Variants in PHF20L1 observed in about 807,000 individuals in gnomAD.
The protein encoded by PHF20L1 is PHD finger protein 20 like 1, also known as PHD finger protein 20-like protein 1.
Under a neutral mutation model 125.5 loss-of-function variants are expected in PHF20L1, and 44 were observed. The observed-to-expected ratio is 0.35, with a 90% CI of 0.28 to 0.45. The LOEUF is 0.45. PHF20L1 is among the 20% of genes least tolerant of loss of function. The probability of loss-of-function intolerance (pLI) is 1.00; values close to 1 mark genes in which losing one functional copy is unlikely to be tolerated. For missense variants in PHF20L1, 1,012 were observed against 1,217.2 expected, an observed-to-expected ratio of 0.83 and a Z score of 2.51; for synonymous variants, 380 against 403.1, an observed-to-expected ratio of 0.94 and a Z score of 0.69.
chr8:132,812,539 T>A, intron 9 of PHF20L1: 1 of 984,940 alleles, frequency 1.0e-6, no homozygotes, highest in East Asian at 1.1e-4. Flanking sequence ...GCCAGTTTTG[T>A]AACAAAGAGA....
chr8:132,804,800 T>C, intron 8 of PHF20L1, 60 bp downstream of exon 8: 1 of 1,409,148 alleles, frequency 7.1e-7, no homozygotes, highest in Non-Finnish European at 9.7e-7. Context: ...TTTAGAGTAA[T>C]TTATTTTTAA....
At chr8:132,836,812 A>T (rs1329831463) in intron 16 of PHF20L1, 91 bp downstream of exon 16, 2 of 885,948 alleles carry the variant, frequency 2.3e-6, no homozygotes, top group Admixed American at 2.2e-5. Context: ...TACTGACTGT[A>T]CTACTGAAGA....
At chr8:132,805,859 A>C (rs1222962446) in intron 8 of PHF20L1, among the ~76,000 whole-genome samples, 3 of 151,974 alleles carry the variant, frequency 2.0e-5, no homozygotes, top group African/African-American at 7.2e-5. Context: ...GTCTCTGATA[A>C]AGGATATACT....
chr8:132,781,301 A>G (rs899309584), intron 2 of PHF20L1, among the ~76,000 whole-genome samples: 5 of 152,222 alleles, frequency 3.3e-5, no homozygotes, highest in African/African-American at 9.6e-5. Context: ...AAAGTATGTT[A>G]TTATTGCTTG....
chr8:132,806,401 A>G (rs955419757), intron 8 of PHF20L1: 8 of 151,966 alleles, frequency 5.3e-5, no homozygotes, highest in Non-Finnish European at 8.8e-5. Context: ...TTGCTTAAAC[A>G]CCCTTCCCTT....
At chr8:132,829,325 C>T (rs929302013) in intron 14 of PHF20L1, among the ~76,000 whole-genome samples, 27 of 152,030 alleles carry the variant, frequency 1.8e-4, no homozygotes, top group African/African-American at 5.6e-4. Flanking sequence ...TACAGCTAAG[C>T]GACCTTTGAC....
At chr8:132,838,383 A>G (rs544324454) in intron 17 of PHF20L1, 1 of 155,458 alleles carries the variant, frequency 6.4e-6, no homozygotes, top group South Asian at 1.9e-4. Flanking sequence ...ATTGTAGAGC[A>G]GGTGGGGTCT....
intron 2 of PHF20L1, among the ~76,000 whole-genome samples, chr8:132,788,249 TAAATG>T (rs1000577870): frequency 2.6e-5 from 4 of 152,126 alleles, no homozygotes; most frequent in East Asian, 1.9e-4. Flanking sequence ...CTTTGTTGAA[TAAATG>T]AAATGAATGA....
intron 2 of PHF20L1, 121 bp downstream of exon 2, chr8:132,778,032 C>A: frequency 1.6e-6 from 1 of 641,392 alleles, no homozygotes; most frequent in Non-Finnish European, 2.7e-6. Context: ...ATTTCGATTA[C>A]ACATATATGT....
intron 8 of PHF20L1, 42 bp downstream of exon 8, chr8:132,804,782 G>A: frequency 2.6e-6 from 4 of 1,515,278 alleles, no homozygotes; most frequent in Non-Finnish European, 2.7e-6. Context: ...GGAAATGGAA[G>A]GTTTAATTTT....
intron 2 of PHF20L1, among the ~76,000 whole-genome samples, chr8:132,785,680 A>G (rs575058782): frequency 6.6e-6 from 1 of 152,298 alleles, no homozygotes; most frequent in African/African-American, 2.4e-5. Flanking sequence ...AGAAATTGGT[A>G]TGCAAGTATT....
chr8:132,822,475 CAA>C lies in PHF20L1; in HGVS notation c.1580-1528_1580-1527del, dbSNP rs1358406638. On this transcript the variant is annotated intron_variant, in intron 12 of 20. Coordinates refer to ENST00000395386, the MANE Select transcript of PHF20L1 (RefSeq NM_016018.5). ...CCTAAGAGGCAATGATCACTGTTAG[CAA>C]TATATCTGAATGTATCTGTACTACC... Among the ~76,000 whole-genome samples the C allele has an allele frequency of 8.5e-5, 13 of 152,060 alleles. 1 individual carries two copies. In the East Asian group the frequency reaches 2.3e-3, roughly 27 times the overall value.
rs1563860696 is a variant in PHF20L1 at position 132,844,203 on chromosome 8, C to T, written c.2796C>T (p.Gly932=). ...NTVFVYNDKK[G]TEDPGDSHLQ... The stretch of plus-strand genomic sequence containing the variant: ...TATTTGTTTATAATGATAAAAAGGG[C>T]ACCGAAGACCCAGGAGACTCACATC... Residue 932 remains glycine (G), a synonymous_variant, in exon 20 of 21, where the codon GGC becomes GGT. Transcript: ENST00000395386. 6.2e-7 allele frequency: 1 copy of T among 1,612,832 alleles called. No individual in the cohort carries two copies. The highest frequency in any genetic ancestry group is 8.5e-7 in the Non-Finnish European group (1 of 1,179,146).
chr8:132,811,370 A>G, intron 9 of PHF20L1: 1 of 1,197,780 alleles, frequency 8.3e-7, no homozygotes, highest in South Asian at 2.5e-5. Context: ...GCCTGGAGAC[A>G]GGCATCCCAG....
At chr8:132,792,499 C>T (rs141080344) in intron 2 of PHF20L1, among the ~76,000 whole-genome samples, 4 of 152,122 alleles carry the variant, frequency 2.6e-5, no homozygotes. Flanking sequence ...CTTACTCCCC[C>T]CAAAAGACTA....
At chr8:132,778,731 T>G (rs1830097087) in intron 2 of PHF20L1, among the ~76,000 whole-genome samples, 1 of 152,210 alleles carries the variant, frequency 6.6e-6, no homozygotes, top group African/African-American at 2.4e-5. Flanking sequence ...AACTGGCCCC[T>G]CATTCTGCTG....
At chr8:132,809,036 G>A (rs1834060570) in intron 8 of PHF20L1, 1 of 151,714 alleles carries the variant, frequency 6.6e-6, no homozygotes, top group African/African-American at 2.4e-5. Context: ...AATCATAAAT[G>A]TATCAAAATC....
chr8:132,776,403 A>G (rs999618146), intron 1 of PHF20L1, among the ~76,000 whole-genome samples: 1 of 152,226 alleles, frequency 6.6e-6, no homozygotes, highest in African/African-American at 2.4e-5. Flanking sequence ...CTACACAAAC[A>G]TTTAAGTAAC....
chr8:132,846,091 A>C lies in PHF20L1; in HGVS notation c.*168A>C. The C allele has an allele frequency of 1.9e-6, 1 of 533,870 alleles. No homozygotes were observed. Among genetic ancestry groups the C allele is most frequent in the Admixed American group, 3.2e-5 (1 of 31,590 alleles). 33.1% of individuals were successfully genotyped at this position (533,870 alleles called of 1,614,324 possible). On this transcript the variant is annotated 3_prime_UTR_variant, in exon 21 of 21. Coordinates refer to ENST00000395386, the MANE Select transcript of PHF20L1 (RefSeq NM_016018.5). ...GGAAAGAAAAATGAAGAACAACTTT[A>C]TCAAGGAAGCTAGTATTTAAAAACA...
Sources: gnomAD v4.1 joint callset for allele counts (sites outside exome capture counted in the v4.1 genomes callset) on GRCh38, gnomAD v4.1.1 for gene constraint, MANE v1.5 for transcripts, NCBI Gene and HGNC (gene_info 2026-07-23, HGNC 2026-07-21) for gene names.